COMMD1: variants seen among roughly 807,000 people sequenced by gnomAD.
The protein encoded by COMMD1 is COMM domain-containing protein 1.
A neutral mutation model predicts 17.2 loss-of-function variants in COMMD1; 10 were observed. The ratio of observed to expected loss-of-function variants is 0.58; its 90% CI spans 0.36 to 0.99. COMMD1 has a LOEUF of 0.99. Among genes scored for constraint, COMMD1 ranks in the 50% least tolerant of loss-of-function variants. The pLI, the probability that COMMD1 is intolerant of heterozygous loss-of-function variation, is 0.01. For missense variants in COMMD1, 270 were observed against 231.8 expected, an observed-to-expected ratio of 1.17 and a Z score of -1.07; for synonymous variants, 97 against 91.6, an observed-to-expected ratio of 1.06 and a Z score of -0.34.
At chr2:61,900,938 A>G (rs1056391194), upstream of COMMD1, among the ~76,000 whole-genome samples, 4 of 152,150 alleles carry the variant, frequency 2.6e-5, no homozygotes, top group African/African-American at 9.7e-5. Context: ...ATTTTAAATT[A>G]AAACACTTTT....
At chr2:61,985,303 G>A (rs1422081210) in intron 1 of COMMD1, among the ~76,000 whole-genome samples, 1 of 152,130 alleles carries the variant, frequency 6.6e-6, no homozygotes, top group African/African-American at 2.4e-5. Flanking sequence ...GCCCGCCTTG[G>A]CCTCCCAAAG....
intron 1 of COMMD1, among the ~76,000 whole-genome samples, chr2:61,891,392 G>A (rs1295173429): frequency 6.6e-6 from 1 of 152,166 alleles, no homozygotes; most frequent in African/African-American, 2.4e-5. Flanking sequence ...TTTCATCAGA[G>A]TGTTAATGTA....
At chr2:61,929,307 T>A (rs894972937) in intron 1 of COMMD1, among the ~76,000 whole-genome samples, 2 of 152,186 alleles carry the variant, frequency 1.3e-5, no homozygotes. Context: ...ATGGGCCTCC[T>A]CTTCTTTGGG....
chr2:61,993,396 T>C (rs1434086145), intron 1 of COMMD1, among the ~76,000 whole-genome samples: 2 of 152,386 alleles, frequency 1.3e-5, no homozygotes, highest in East Asian at 1.9e-4. Flanking sequence ...TTTAACACTT[T>C]GTTGCCTGCC....
intron 2 of COMMD1, among the ~76,000 whole-genome samples, chr2:62,073,944 G>A (rs978814857): frequency 6.6e-6 from 1 of 152,100 alleles, no homozygotes; most frequent in Non-Finnish European, 1.5e-5. Context: ...TGATCCACCC[G>A]CCTTGGCCTC....
intron 1 of COMMD1, among the ~76,000 whole-genome samples, chr2:61,979,570 A>G (rs1671900014): frequency 6.6e-6 from 1 of 152,158 alleles, no homozygotes; most frequent in Admixed American, 6.5e-5. Context: ...TATCGAAGAG[A>G]TATCTGCACT....
chr2:62,017,494 C>CCTAT (rs1451622085), intron 2 of COMMD1, among the ~76,000 whole-genome samples: 1 of 151,238 alleles, frequency 6.6e-6, no homozygotes, highest in Non-Finnish European at 1.5e-5. Context: ...ATGGTGAAAC[C>CCTAT]CTATCTCTAC....
rs180837330 is a variant in COMMD1 at position 61,987,029 on chromosome 2, C to T, written c.181-13672C>T. On this transcript the variant is annotated intron_variant, in intron 1 of 2. Coordinates refer to ENST00000311832, the MANE Select transcript of COMMD1 (RefSeq NM_152516.4). The stretch of plus-strand genomic sequence containing the variant: ...TCAGCTCCAGAATTTCCTTTTGCTT[C>T]TTCTTAATTATTTCCATTTTGTTGT... Among the ~76,000 whole-genome samples, 1,170 of 149,954 alleles carry T rather than the reference C, an allele frequency of 7.8e-3. 16 individuals carry two copies. Among genetic ancestry groups the T allele is most frequent in the African/African-American group, 0.027 (1,116 of 41,248 alleles).
intron 2 of COMMD1, among the ~76,000 whole-genome samples, chr2:62,050,234 T>G (rs1372604017): frequency 2.6e-5 from 4 of 152,194 alleles, no homozygotes; most frequent in Non-Finnish European, 5.9e-5. Context: ...TAAGTATCAC[T>G]TTAACCAAAA....
At chr2:62,008,389 C>CATATAT (rs1320493467) in intron 2 of COMMD1, among the ~76,000 whole-genome samples, 9 of 145,752 alleles carry the variant, frequency 6.2e-5, no homozygotes, top group African/African-American at 2.0e-4. Flanking sequence ...CACACACACA[C>CATATAT]ATATATATTT....
intron 1 of COMMD1, among the ~76,000 whole-genome samples, chr2:61,952,021 A>C (rs1184027253): frequency 2.0e-5 from 3 of 152,200 alleles, no homozygotes; most frequent in African/African-American, 4.8e-5. Flanking sequence ...TAAGGCTGGT[A>C]TGACCATTTG....
chr2:62,034,000 C>T (rs1384340310), intron 2 of COMMD1, among the ~76,000 whole-genome samples: 1 of 142,514 alleles, frequency 7.0e-6, no homozygotes, highest in African/African-American at 2.6e-5. Flanking sequence ...GTGCCAACTA[C>T]TTGGGAGGCT....
intron 2 of COMMD1, among the ~76,000 whole-genome samples, chr2:62,081,035 T>C (rs1326698293): frequency 2.0e-5 from 3 of 152,172 alleles, no homozygotes; most frequent in African/African-American, 7.2e-5. Context: ...AAATTCTATA[T>C]GTATATATAC....
At chr2:62,036,384 C>T (rs1001618665) in intron 2 of COMMD1, among the ~76,000 whole-genome samples, 1 of 152,148 alleles carries the variant, frequency 6.6e-6, no homozygotes, top group Non-Finnish European at 1.5e-5. Flanking sequence ...AAATTACTTG[C>T]TTTTTAGCTC....
At chr2:61,919,821 A>G (rs1311455109) in intron 1 of COMMD1, among the ~76,000 whole-genome samples, 2 of 152,102 alleles carry the variant, frequency 1.3e-5, no homozygotes, top group African/African-American at 2.4e-5. Context: ...AGCTTCTCCA[A>G]TAGTTCTTTA....
intron 1 of COMMD1, among the ~76,000 whole-genome samples, chr2:61,989,880 C>T (rs184683001): frequency 6.6e-6 from 1 of 152,284 alleles, no homozygotes; most frequent in African/African-American, 2.4e-5. Context: ...AAGTAAGAAG[C>T]AGTGGCCTTT....
chr2:61,943,042 T>G (rs1670794602), intron 1 of COMMD1, among the ~76,000 whole-genome samples: 1 of 152,226 alleles, frequency 6.6e-6, no homozygotes, highest in East Asian at 1.9e-4. Context: ...AAGAAACGGT[T>G]GGATGCAAAC....
At chr2:62,084,818 A>G (rs1671615387) in intron 2 of COMMD1, 2 of 152,188 alleles carry the variant, frequency 1.3e-5, no homozygotes, top group African/African-American at 4.8e-5. Context: ...TGAGACTTAC[A>G]TTTAAAGGGT....
At chr2:61,914,996 C>T (rs1358920742) in intron 1 of COMMD1, among the ~76,000 whole-genome samples, 1 of 96,818 alleles carries the variant, frequency 1.0e-5, no homozygotes, top group Non-Finnish European at 1.9e-5. Flanking sequence ...AAATTCCTTT[C>T]TTTTCTTTCC....
Sources: gnomAD v4.1 joint callset for allele counts (sites outside exome capture counted in the v4.1 genomes callset) on GRCh38, gnomAD v4.1.1 for gene constraint, MANE v1.5 for transcripts, NCBI Gene and HGNC (gene_info 2026-07-23, HGNC 2026-07-21) for gene names.